Variants in TARBP1 observed in about 807,000 individuals in gnomAD.
The protein encoded by TARBP1 is tRNA (guanosine(18)-2'-O)-methyltransferase TARBP1.
Under a neutral mutation model 178.6 loss-of-function variants are expected in TARBP1, and 144 were observed. The observed-to-expected ratio is 0.81, with a 90% confidence interval of 0.70 to 0.93. The LOEUF is 0.93. TARBP1 is among the 40% of genes least tolerant of loss of function. The pLI, the probability that TARBP1 is intolerant of heterozygous loss-of-function variation, is 0.00. For missense variants in TARBP1, 2,067 were observed against 2,011.7 expected (o/e 1.03, Z -0.53); for synonymous variants, 787 against 781.0 (o/e 1.01, Z -0.13).
At chr1:234,449,224 G>A (rs1017505174) in intron 10 of TARBP1, among the ~76,000 whole-genome samples, 2 of 152,204 alleles carry the variant, frequency 1.3e-5, no homozygotes, top group African/African-American at 4.8e-5. Context: ...GCCATGCAGA[G>A]GACCTTTGTC....
chr1:234,416,795 G>A lies in TARBP1; in HGVS notation c.3705+1289C>T, dbSNP rs149189000. Among the ~76,000 whole-genome samples the A allele has an allele frequency of 1.2e-3, 185 of 152,268 alleles. 1 individual carries two copies. Among genetic ancestry groups the A allele is most frequent in the Middle Eastern group, 3.4e-3 (1 of 294 alleles). On this transcript the variant is annotated intron_variant, in intron 22 of 29. Transcript: ENST00000040877. ...GGAGCCAATTTCAGGGCCAGATGCT[G>A]TTACCAGTTTAGTTTAACACAGGGT...
intron 28 of TARBP1, 104 bp downstream of exon 28, chr1:234,393,258 T>C: frequency 8.1e-7 from 1 of 1,234,318 alleles, no homozygotes; most frequent in Non-Finnish European, 1.1e-6. Context: ...CACTATAAAA[T>C]ATTTTTACAA....
intron 28 of TARBP1, 136 bp downstream of exon 28, chr1:234,393,226 G>C: frequency 1.1e-6 from 1 of 894,812 alleles, no homozygotes; most frequent in South Asian, 4.4e-5. Context: ...TTATGCAAAA[G>C]GACTAATACA....
intron 23 of TARBP1, chr1:234,407,210 T>A (rs777164821): frequency 7.2e-5 from 11 of 152,108 alleles, no homozygotes; most frequent in Non-Finnish European, 1.3e-4. Flanking sequence ...GTTATAACGA[T>A]CCCATATGGA....
intron 2 of TARBP1, among the ~76,000 whole-genome samples, chr1:234,472,222 G>T (rs567828852): frequency 2.0e-5 from 3 of 151,120 alleles, no homozygotes; most frequent in African/African-American, 7.3e-5. Flanking sequence ...CCAGCTACTT[G>T]GGAGGCTGAG....
At position 234,433,410 on chromosome 1, in the gene TARBP1, C is replaced by G; in HGVS notation, c.2394G>C (p.Gln798His). Reference protein sequence around the residue: ...IQHLQEMDSGQEPTVGSQIQR... With the variant: ...IQHLQEMDSGHEPTVGSQIQR... ...CAAACCTTGAATCAAAGAGGCTTAC[C>G]TGTCCACTGTCCATCTCTTGAAGAT... Residue 798 changes from glutamine to histidine, a missense_variant and splice_region_variant, in exon 14 of 30, where the codon CAG becomes CAC. Coordinates refer to ENST00000040877, the MANE Select transcript of TARBP1 (RefSeq NM_005646.4). 1 of 1,613,522 alleles carries G rather than the reference C, an allele frequency of 6.2e-7. No homozygotes were observed.
At chr1:234,458,117 G>A (rs1416138433) in intron 8 of TARBP1, among the ~76,000 whole-genome samples, 2 of 152,138 alleles carry the variant, frequency 1.3e-5, no homozygotes, top group East Asian at 3.9e-4. Context: ...CCCGAGGTGG[G>A]TGGATCACCT....
intron 17 of TARBP1, 37 bp downstream of exon 17, chr1:234,429,099 A>G: frequency 6.6e-7 from 1 of 1,520,776 alleles, no homozygotes; most frequent in Non-Finnish European, 8.8e-7. Context: ...GCTCACACAC[A>G]TGAAAAGAAA....
Position 234,478,931 on chromosome 1 carries a change from G to C in TARBP1, c.173C>G (p.Pro58Arg), listed in dbSNP as rs1194067065. 1.8e-5 allele frequency: 26 copies of C among 1,437,162 alleles called. No homozygotes were observed. Among genetic ancestry groups the C allele is most frequent in the Non-Finnish European group, 2.4e-5 (26 of 1,104,284 alleles). The allele number at this position is 1,437,162 out of a possible 1,614,324, so 89.0% of individuals were successfully genotyped here. ...TGCAGCCACCTCGCGCGCCGCCTCC[G>C]GGAGCGCGCCTGCGCCCCCGCTGCC... ...ARGSGGAGAL[P>R]EAAREVAAGY... Residue 58 changes from proline (P) to arginine (R), a missense_variant, in exon 1 of 30, where the codon CCG becomes CGG. Coordinates refer to ENST00000040877, the MANE Select transcript of TARBP1 (RefSeq NM_005646.4).
chr1:234,456,203 A>G (rs192198669), intron 9 of TARBP1, among the ~76,000 whole-genome samples: 38 of 152,286 alleles, frequency 2.5e-4, no homozygotes, highest in African/African-American at 7.9e-4. Flanking sequence ...GTTCCTCCCA[A>G]TGTTATTTAC....
At chr1:234,420,340 A>C (rs1662942682) in intron 21 of TARBP1, among the ~76,000 whole-genome samples, 1 of 152,256 alleles carries the variant, frequency 6.6e-6, no homozygotes, top group South Asian at 2.1e-4. Flanking sequence ...CAGATAATCC[A>C]AAACAGTGTA....
chr1:234,391,581 G>A lies in TARBP1; in HGVS notation c.4862C>T (p.Pro1621Leu), dbSNP rs531621962. ...QQLLSHGDTK[P>L] is the part of the protein sequence containing the mutation. ...CAGTTCACTAAGGAAGGCACATCATGGCTTGGTATCTCCGTGCGAGAGCAG... is the reference window on the plus strand; with the variant it reads ...CAGTTCACTAAGGAAGGCACATCATAGCTTGGTATCTCCGTGCGAGAGCAG... The change falls in exon 30 of 30, where the codon CCA becomes CTA. Residue 1621 changes from proline to leucine, a missense_variant. Coordinates refer to ENST00000040877, the MANE Select transcript of TARBP1 (RefSeq NM_005646.4). The A allele has an allele frequency of 1.7e-4, 269 of 1,607,916 alleles. 4 individuals carry two copies. The South Asian group carries it at 2.8e-3, about 17-fold the overall frequency.
At position 234,478,527 on chromosome 1, in the gene TARBP1, C is replaced by G. The variant is rs758056406; in HGVS notation, c.577G>C (p.Gly193Arg). Residue 193 changes from glycine (G) to arginine (R), a missense_variant, in exon 1 of 30, where the codon GGG (glycine) becomes CGG (arginine). Gly to Arg is a moderately radical substitution (Grantham distance 125). Coordinates refer to ENST00000040877, the MANE Select transcript of TARBP1 (RefSeq NM_005646.4). ...PAEDAAALVAGRLLPVLVQCG... is the reference protein window; with the variant it reads ...PAEDAAALVARRLLPVLVQCG... ...TGGACCAGCACTGGCAGCAGTCGCC[C>G]GGCCACCAGCGCCGCCGCGTCCTCG... The G allele has an allele frequency of 8.3e-4, 1,134 of 1,372,292 alleles. 1 individual carries two copies. Among genetic ancestry groups the G allele is most frequent in the Non-Finnish European group, 1.0e-3 (1,105 of 1,059,646 alleles). The allele number at this position is 1,372,292 out of a possible 1,614,324, so 85.0% of individuals were successfully genotyped here. A position where few individuals can be genotyped will look rare whatever the true frequency, so the allele number is the denominator to read the frequency against.
Position 234,429,681 on chromosome 1 carries a change from A to G in TARBP1, c.2610-4T>C, listed in dbSNP as rs953074505. On this transcript the variant is annotated splice_region_variant and splice_polypyrimidine_tract_variant and intron_variant, in intron 15 of 29. Coordinates refer to ENST00000040877, the MANE Select transcript of TARBP1 (RefSeq NM_005646.4). ...AGATGACGATTCTTCCAAAACACTGAAATAAAAAATAAAGTTACTAGGCCA... is the reference window on the plus strand; with the variant it reads ...AGATGACGATTCTTCCAAAACACTGGAATAAAAAATAAAGTTACTAGGCCA... 4 of 1,586,018 alleles carry G rather than the reference A, an allele frequency of 2.5e-6. No homozygotes were observed. Among genetic ancestry groups the G allele is most frequent in the Non-Finnish European group, 3.4e-6 (4 of 1,167,230 alleles).
intron 1 of TARBP1, among the ~76,000 whole-genome samples, chr1:234,475,396 G>A (rs771133364): frequency 3.9e-5 from 6 of 152,188 alleles, no homozygotes; most frequent in Admixed American, 2.6e-4. Context: ...CCCTTCACTC[G>A]GCACTGACAC....
At chr1:234,450,161 G>A (rs1385282805) in intron 10 of TARBP1, among the ~76,000 whole-genome samples, 2 of 136,742 alleles carry the variant, frequency 1.5e-5, no homozygotes, top group Non-Finnish European at 3.2e-5. Context: ...AAATGACTTT[G>A]CATCCACTTC....
At chr1:234,412,288 G>C (rs1465849780) in intron 22 of TARBP1, among the ~76,000 whole-genome samples, 2 of 152,228 alleles carry the variant, frequency 1.3e-5, no homozygotes, top group South Asian at 2.1e-4. Context: ...TGGGCATGGT[G>C]GTGGGCACCT....
intron 8 of TARBP1, among the ~76,000 whole-genome samples, chr1:234,458,463 T>A (rs1667514795): frequency 6.6e-6 from 1 of 152,248 alleles, no homozygotes; most frequent in African/African-American, 2.4e-5. Context: ...TGGCTCTATC[T>A]AGGCCAGGCA....
At chr1:234,415,721 T>C (rs1344269587) in intron 22 of TARBP1, among the ~76,000 whole-genome samples, 1 of 152,190 alleles carries the variant, frequency 6.6e-6, no homozygotes, top group African/African-American at 2.4e-5. Context: ...GGTATACAGC[T>C]GGCTATAGCA....
Sources: allele counts gnomAD v4.1 joint callset (sites outside exome capture counted in the v4.1 genomes callset), GRCh38; gene constraint gnomAD v4.1.1; transcripts MANE v1.5; gene names NCBI Gene and HGNC (gene_info 2026-07-23, HGNC 2026-07-21).